CDK14: variants seen among roughly 807,000 people sequenced by gnomAD.
CDK14 encodes the protein cyclin-dependent kinase 14.
A neutral mutation model predicts 60.7 loss-of-function variants in CDK14; 34 were observed. The ratio of observed to expected loss-of-function variants is 0.56; its 90% CI spans 0.43 to 0.75. The LOEUF (loss-of-function observed/expected upper bound fraction) is 0.75, where lower values mean the gene tolerates loss of function less well. CDK14 is among the 30% of genes least tolerant of loss of function. The probability of loss-of-function intolerance (pLI) is 0.00; values close to 1 mark genes in which losing one functional copy is unlikely to be tolerated. For missense variants in CDK14, 482 were observed against 564.1 expected, an observed-to-expected ratio of 0.85 and a Z score of 1.47; for synonymous variants, 197 against 203.7, an observed-to-expected ratio of 0.97 and a Z score of 0.28.
chr7:90,598,146 C>T (rs1242479751), intron 1 of CDK14, among the ~76,000 whole-genome samples: 5 of 152,200 alleles, frequency 3.3e-5, no homozygotes, highest in Non-Finnish European at 5.9e-5. Context: ...TTCTAAAACA[C>T]ATTAACTATA....
chr7:90,957,023 A>G (rs1794440912), intron 9 of CDK14, among the ~76,000 whole-genome samples: 1 of 150,482 alleles, frequency 6.6e-6, no homozygotes. Context: ...ATTGTTGGAC[A>G]TTTGGGTTGG....
intron 12 of CDK14, 94 bp downstream of exon 12, chr7:91,079,574 C>A (rs1388975687): frequency 2.3e-6 from 2 of 873,716 alleles, no homozygotes; most frequent in Non-Finnish European, 3.8e-6. Flanking sequence ...GTTGATTCAT[C>A]CTGCTGTGTA....
At chr7:90,907,495 T>G (rs1261550286) in intron 7 of CDK14, among the ~76,000 whole-genome samples, 1 of 152,090 alleles carries the variant, frequency 6.6e-6, no homozygotes, top group East Asian at 1.9e-4. Context: ...TCCAGAAATG[T>G]AGATGTTTGA....
chr7:90,718,927 A>C (rs1802346331), intron 2 of CDK14, among the ~76,000 whole-genome samples: 1 of 152,168 alleles, frequency 6.6e-6, no homozygotes, highest in Admixed American at 6.6e-5. Context: ...AATAGCTGAA[A>C]TTACTTTTAT....
At chr7:90,986,946 A>G (rs1202075813) in intron 10 of CDK14, among the ~76,000 whole-genome samples, 1 of 152,010 alleles carries the variant, frequency 6.6e-6, no homozygotes, top group East Asian at 1.9e-4. Flanking sequence ...AAAGGGAATT[A>G]TACTGAAAAG....
chr7:91,156,551 G>A (rs1336308170), intron 14 of CDK14, among the ~76,000 whole-genome samples: 11 of 152,086 alleles, frequency 7.2e-5, no homozygotes, highest in African/African-American at 2.2e-4. Context: ...ATGAGTTATC[G>A]GAACTGAAAA....
In CDK14 at chr7:90,765,477, A is replaced by T. The variant is rs78720412; in HGVS notation, c.464+17702A>T. ...GGAGAGATTGTCTAGAGAGGTGGCG[A>T]GAAAACCAGCAAAGTACCAAGGAAG... On this transcript the variant is annotated intron_variant, in intron 4 of 14. Coordinates refer to ENST00000380050, the MANE Select transcript of CDK14 (RefSeq NM_001287135.2). Among the ~76,000 whole-genome samples, 75 of 152,334 alleles carry T rather than the reference A, an allele frequency of 4.9e-4. 3 individuals carry two copies. The East Asian group carries it at 0.013, about 27-fold the overall frequency.
At chr7:90,805,681 C>T (rs548036526) in intron 5 of CDK14, among the ~76,000 whole-genome samples, 3 of 151,958 alleles carry the variant, frequency 2.0e-5, no homozygotes, top group African/African-American at 4.8e-5. Context: ...TTGAAGATCT[C>T]GTATTGTTAA....
At chr7:90,889,668 C>G (rs1181635263) in intron 6 of CDK14, among the ~76,000 whole-genome samples, 1 of 151,986 alleles carries the variant, frequency 6.6e-6, no homozygotes, top group African/African-American at 2.4e-5. Flanking sequence ...CTACTTTTAC[C>G]CTCTTTAGGG....
chr7:90,818,434 T>C (rs1160535710), intron 5 of CDK14, among the ~76,000 whole-genome samples: 1 of 152,158 alleles, frequency 6.6e-6, no homozygotes, highest in African/African-American at 2.4e-5. Flanking sequence ...CCACACAAAT[T>C]TGTTTTCAAA....
chr7:91,109,614 T>C (rs1183548814), intron 12 of CDK14, among the ~76,000 whole-genome samples: 5 of 152,024 alleles, frequency 3.3e-5, no homozygotes, highest in Admixed American at 3.3e-4. Context: ...ATATCAATAA[T>C]CACAAAATGT....
chr7:90,768,295 A>G (rs1241309655), intron 4 of CDK14, among the ~76,000 whole-genome samples: 2 of 152,250 alleles, frequency 1.3e-5, no homozygotes, highest in African/African-American at 4.8e-5. Flanking sequence ...GGAGACACTT[A>G]ATGATCAGCA....
At chr7:91,107,867 T>C (rs912923295) in intron 12 of CDK14, 2 of 152,228 alleles carry the variant, frequency 1.3e-5, no homozygotes, top group African/African-American at 4.8e-5. Flanking sequence ...ATCAAACATA[T>C]TAGCCAATGT....
At chr7:90,771,297 T>C (rs1454585647) in intron 4 of CDK14, among the ~76,000 whole-genome samples, 5 of 152,230 alleles carry the variant, frequency 3.3e-5, no homozygotes, top group Non-Finnish European at 7.3e-5. Context: ...CTCTTTTAGT[T>C]CCTCATATAT....
At chr7:91,194,636 G>T (rs1056079945) in intron 14 of CDK14, among the ~76,000 whole-genome samples, 1 of 152,022 alleles carries the variant, frequency 6.6e-6, no homozygotes, top group African/African-American at 2.4e-5. Flanking sequence ...GGTGCTTAGG[G>T]TGCGATTTTA....
At chr7:91,093,831 A>C (rs1337363644) in intron 12 of CDK14, among the ~76,000 whole-genome samples, 1 of 152,212 alleles carries the variant, frequency 6.6e-6, no homozygotes, top group Non-Finnish European at 1.5e-5. Flanking sequence ...ACATCATGGA[A>C]TACTGTGCAG....
chr7:90,778,779 C>T (rs1049285210), intron 4 of CDK14, among the ~76,000 whole-genome samples: 3 of 151,998 alleles, frequency 2.0e-5, no homozygotes, highest in Admixed American at 1.3e-4. Flanking sequence ...CTGGAATGTT[C>T]TTGGTTTATT....
intron 12 of CDK14, among the ~76,000 whole-genome samples, chr7:91,094,791 G>A (rs1798932840): frequency 6.6e-6 from 1 of 152,050 alleles, no homozygotes; most frequent in South Asian, 2.1e-4. Context: ...TCAAAAACTC[G>A]AAAGATAGCT....
chr7:90,675,630 A>G (rs1257834304), intron 2 of CDK14, among the ~76,000 whole-genome samples: 1 of 152,170 alleles, frequency 6.6e-6, no homozygotes, highest in East Asian at 1.9e-4. Context: ...AATTTAATAC[A>G]TCTATGTATT....
Sources: allele counts gnomAD v4.1 joint callset (sites outside exome capture counted in the v4.1 genomes callset), GRCh38; gene constraint gnomAD v4.1.1; transcripts MANE v1.5; gene names NCBI Gene and HGNC (gene_info 2026-07-23, HGNC 2026-07-21).